The following SH3RF3 variants were observed in gnomAD, a reference collection of about 807,000 sequenced individuals.
SH3RF3 encodes the protein E3 ubiquitin-protein ligase SH3RF3.
A neutral mutation model predicts 66.3 loss-of-function variants in SH3RF3; 29 were observed. That is an observed-to-expected ratio of 0.44 (90% CI 0.33 to 0.60). The LOEUF is 0.60. Ranked by LOEUF, SH3RF3 falls within the 20% of genes least tolerant of loss-of-function variation. The probability of loss-of-function intolerance (pLI) is 0.04; values close to 1 mark genes in which losing one functional copy is unlikely to be tolerated. For synonymous variants in SH3RF3, 583 were observed against 532.0 expected, an observed-to-expected ratio of 1.10 and a Z score of -1.32; for missense variants, 1,194 against 1,190.9, an observed-to-expected ratio of 1.00 and a Z score of -0.04.
At chr2:109,414,862 A>G (rs1446524081) in intron 4 of SH3RF3, among the ~76,000 whole-genome samples, 2 of 152,194 alleles carry the variant, frequency 1.3e-5, no homozygotes, top group African/African-American at 4.8e-5. Context: ...TTGTTGGTGG[A>G]GAAGGGACTG....
At chr2:109,469,190 G>T (rs553893029) in intron 8 of SH3RF3, among the ~76,000 whole-genome samples, 1 of 152,190 alleles carries the variant, frequency 6.6e-6, no homozygotes, top group Non-Finnish European at 1.5e-5. Context: ...CTTACACAGC[G>T]TATTTCTTCT....
intron 4 of SH3RF3, among the ~76,000 whole-genome samples, chr2:109,418,836 G>A (rs545477815): frequency 1.8e-4 from 27 of 152,204 alleles, no homozygotes; most frequent in Middle Eastern, 3.4e-3. Flanking sequence ...GTCGTAGGGG[G>A]ACCTGGGGGC....
chr2:109,285,479 C>T (rs548082611), intron 1 of SH3RF3, among the ~76,000 whole-genome samples: 133 of 152,312 alleles, frequency 8.7e-4, no homozygotes, highest in South Asian at 5.6e-3. Context: ...TGTGTCTGGA[C>T]GTGGTATTCA....
chr2:109,152,885 C>T (rs1179587001), intron 1 of SH3RF3, among the ~76,000 whole-genome samples: 7 of 152,162 alleles, frequency 4.6e-5, no homozygotes, highest in African/African-American at 1.7e-4. Flanking sequence ...AGTACTTGCT[C>T]CTTGTTCTCG....
intron 2 of SH3RF3, among the ~76,000 whole-genome samples, chr2:109,355,810 A>C (rs1682935460): frequency 6.6e-6 from 1 of 152,170 alleles, no homozygotes; most frequent in South Asian, 2.1e-4. Context: ...TGGTGTTTTG[A>C]GGAGGGGTAT....
chr2:109,195,459 C>G (rs565008876), intron 1 of SH3RF3, among the ~76,000 whole-genome samples: 2 of 152,226 alleles, frequency 1.3e-5, no homozygotes, highest in South Asian at 4.2e-4. Flanking sequence ...TCGAGTGTCC[C>G]CACCCCTTCT....
At chr2:109,305,692 C>T (rs1469524903) in intron 1 of SH3RF3, among the ~76,000 whole-genome samples, 1 of 152,218 alleles carries the variant, frequency 6.6e-6, no homozygotes, top group Non-Finnish European at 1.5e-5. Context: ...TGTCACTGTA[C>T]ACTCCTTCAT....
chr2:109,405,101 G>A lies in SH3RF3; in HGVS notation c.1299+6158G>A, dbSNP rs566863106. On this transcript the variant is annotated intron_variant, in intron 4 of 9. Coordinates refer to ENST00000309415, the MANE Select transcript of SH3RF3 (RefSeq NM_001099289.3). ...CATCCTGGGCATACTCACCCATGGG[G>A]GTTCACCCTCTCCAGAACCCCAGCC... Among the ~76,000 whole-genome samples, 62 of 151,386 alleles carry A rather than the reference G, an allele frequency of 4.1e-4. 2 individuals carry two copies. The highest frequency in any genetic ancestry group is 1.5e-3 in the African/African-American group (62 of 41,192).
chr2:109,187,081 G>C (rs1013336446), intron 1 of SH3RF3, among the ~76,000 whole-genome samples: 1 of 150,006 alleles, frequency 6.7e-6, no homozygotes, highest in Non-Finnish European at 1.5e-5. Flanking sequence ...AGCATATTTT[G>C]CTAGCATCAT....
chr2:109,242,478 G>A (rs918778280), intron 1 of SH3RF3, among the ~76,000 whole-genome samples: 2 of 152,124 alleles, frequency 1.3e-5, no homozygotes, highest in Admixed American at 6.5e-5. Flanking sequence ...CTGCTGAGCC[G>A]CCCCAGTGAC....
At chr2:109,408,566 C>T (rs780100541) in intron 4 of SH3RF3, among the ~76,000 whole-genome samples, 23 of 152,260 alleles carry the variant, frequency 1.5e-4, no homozygotes, top group Non-Finnish European at 2.6e-4. Context: ...TCCTCCCATT[C>T]GCTGTCCCCT....
At chr2:109,285,178 A>G (rs978925022) in intron 1 of SH3RF3, among the ~76,000 whole-genome samples, 3 of 152,318 alleles carry the variant, frequency 2.0e-5, no homozygotes, top group African/African-American at 7.2e-5. Flanking sequence ...TAAAGAAGGA[A>G]CAAATTGAGC....
At chr2:109,249,495 T>TTC (rs200857572) in intron 1 of SH3RF3, among the ~76,000 whole-genome samples, 2 of 24,928 alleles carry the variant, frequency 8.0e-5, no homozygotes, top group African/African-American at 6.3e-4. Flanking sequence ...CTTTCTTTCT[T>TTC]TCTTTCTTTC....
intron 1 of SH3RF3, among the ~76,000 whole-genome samples, chr2:109,258,225 TG>T (rs1244579979): frequency 6.6e-6 from 1 of 151,762 alleles, no homozygotes; most frequent in Non-Finnish European, 1.5e-5. Flanking sequence ...TTTCCAGGAG[TG>T]GGGGACAGCC....
intron 1 of SH3RF3, among the ~76,000 whole-genome samples, chr2:109,229,826 CTTTTT>C (rs35149686): frequency 3.8e-5 from 5 of 130,010 alleles, no homozygotes; most frequent in Admixed American, 7.8e-5. Context: ...CTTTTTCTTT[CTTTTT>C]TTTTTTTTTT....
At position 109,291,546 on chromosome 2, in the gene SH3RF3, C is replaced by T. The variant is rs557397690; in HGVS notation, c.574-56128C>T. Among the ~76,000 whole-genome samples, 25 of 152,282 alleles carry T rather than the reference C, an allele frequency of 1.6e-4. 1 individual carries two copies. The highest frequency in any genetic ancestry group is 6.2e-4 in the South Asian group (3 of 4,822). ...GAGATGCACATGCCATGTCTGCAGC[C>T]GGCGATGCCCTTGGAAGAAGCTCCT... On this transcript the variant is annotated intron_variant, in intron 1 of 9. Coordinates refer to ENST00000309415, the MANE Select transcript of SH3RF3 (RefSeq NM_001099289.3).
At chr2:109,382,621 C>T (rs544648409) in intron 3 of SH3RF3, among the ~76,000 whole-genome samples, 5 of 152,308 alleles carry the variant, frequency 3.3e-5, no homozygotes, top group Admixed American at 2.0e-4. Flanking sequence ...TTTGGAACAC[C>T]GAGCCCTGTC....
intron 4 of SH3RF3, among the ~76,000 whole-genome samples, chr2:109,415,687 C>T (rs1676705328): frequency 6.6e-6 from 1 of 152,168 alleles, no homozygotes; most frequent in South Asian, 2.1e-4. Context: ...AGGCCCCACG[C>T]AGCCTGTCCT....
At position 109,440,102 on chromosome 2, in the gene SH3RF3, A is replaced by G. The variant is rs1486125031; in HGVS notation, c.1828+2956A>G. On this transcript the variant is annotated intron_variant, in intron 7 of 9. Coordinates refer to ENST00000309415, the MANE Select transcript of SH3RF3 (RefSeq NM_001099289.3). ...ATGAGCAATGGCCTGGCAATGAGGA[A>G]TAGCATAACTCTTGTTTTGGGGAAC... 2.0e-5 allele frequency among the ~76,000 whole-genome samples: 3 copies of G among 152,250 alleles called. 1 individual carries two copies. Among genetic ancestry groups the G allele is most frequent in the African/African-American group, 7.2e-5 (3 of 41,468 alleles).
Sources: gnomAD v4.1 joint callset for allele counts (sites outside exome capture counted in the v4.1 genomes callset) on GRCh38, gnomAD v4.1.1 for gene constraint, MANE v1.5 for transcripts, NCBI Gene and HGNC (gene_info 2026-07-23, HGNC 2026-07-21) for gene names.